Variants in SPIN1 observed in about 807,000 individuals in gnomAD.
SPIN1 encodes the protein spindlin 1.
SPIN1 carries 3 observed loss-of-function variants against 26.0 expected under a neutral mutation model. That is an observed-to-expected ratio of 0.12 (90% CI 0.05 to 0.30). The LOEUF is 0.30. SPIN1 is among the 10% of genes least tolerant of loss of function. The pLI is 1.00. For missense variants in SPIN1, 126 were observed against 333.4 expected, an observed-to-expected ratio of 0.38 and a Z score of 4.84; for synonymous variants, 101 against 116.5, an observed-to-expected ratio of 0.87 and a Z score of 0.86.
chr9:88,461,426 T>C (rs1828574670), intron 3 of SPIN1, among the ~76,000 whole-genome samples: 2 of 152,214 alleles, frequency 1.3e-5, no homozygotes, highest in Admixed American at 1.3e-4. Flanking sequence ...TACTCCTTAT[T>C]GTCTCTTATG....
intron 3 of SPIN1, among the ~76,000 whole-genome samples, chr9:88,453,639 G>A (rs12237876): frequency 0.19 from 28,618 of 151,694 alleles, 3,520 homozygotes; most frequent in African/African-American, 0.35. Context: ...CGATTCTTCC[G>A]CCTCAGCCTT....
At chr9:88,436,736 C>T (rs912105045) in intron 2 of SPIN1, among the ~76,000 whole-genome samples, 5 of 143,902 alleles carry the variant, frequency 3.5e-5, no homozygotes, top group Non-Finnish European at 6.1e-5. Context: ...TTAATATGCA[C>T]ATAAATTTCC....
chr9:88,465,979 A>C (rs1828660047), intron 4 of SPIN1, among the ~76,000 whole-genome samples: 1 of 152,200 alleles, frequency 6.6e-6, no homozygotes, highest in South Asian at 2.1e-4. Context: ...ATGTAAAATT[A>C]AGCCACTCTT....
At chr9:88,393,132 CTTTT>C (rs79661252) in intron 1 of SPIN1, among the ~76,000 whole-genome samples, 1 of 124,892 alleles carries the variant, frequency 8.0e-6, no homozygotes, top group African/African-American at 2.8e-5. Context: ...GTTAAATGTG[CTTTT>C]TTTTTTTTTT....
intron 3 of SPIN1, 101 bp from the exon 4 acceptor site, chr9:88,462,395 G>A: frequency 6.8e-7 from 1 of 1,465,698 alleles, no homozygotes; most frequent in Non-Finnish European, 9.2e-7. Context: ...TACATATTTT[G>A]GGACCATCTG....
At chr9:88,409,977 T>C (rs549795563) in intron 1 of SPIN1, among the ~76,000 whole-genome samples, 2 of 152,288 alleles carry the variant, frequency 1.3e-5, no homozygotes, top group East Asian at 1.9e-4. Flanking sequence ...CCCTTTGGTA[T>C]TTTCCGAATT....
At chr9:88,412,660 A>G (rs999370981) in intron 1 of SPIN1, among the ~76,000 whole-genome samples, 1 of 152,142 alleles carries the variant, frequency 6.6e-6, no homozygotes, top group Non-Finnish European at 1.5e-5. Context: ...CCTGTTAAAC[A>G]GAAGACCATG....
At chr9:88,409,706 C>T (rs551551915) in intron 1 of SPIN1, among the ~76,000 whole-genome samples, 2,660 of 151,900 alleles carry the variant, frequency 0.018, 32 homozygotes, top group Non-Finnish European at 0.026. Context: ...GGCATGGTGG[C>T]GGGCACCTGT....
At chr9:88,425,445 C>T (rs1378135414) in intron 1 of SPIN1, among the ~76,000 whole-genome samples, 6 of 151,874 alleles carry the variant, frequency 4.0e-5, no homozygotes, top group African/African-American at 1.5e-4. Context: ...TTTGGGAGGC[C>T]GAGGCAGGTG....
At chr9:88,429,127 A>G (rs551678648) in intron 2 of SPIN1, among the ~76,000 whole-genome samples, 1 of 152,238 alleles carries the variant, frequency 6.6e-6, no homozygotes, top group East Asian at 1.9e-4. Flanking sequence ...TCAGCCTCCC[A>G]TAGTGTTGGG....
chr9:88,472,733 C>G (rs1046238011), intron 5 of SPIN1, among the ~76,000 whole-genome samples: 1 of 152,226 alleles, frequency 6.6e-6, no homozygotes, highest in Non-Finnish European at 1.5e-5. Flanking sequence ...CCTTGTGTCT[C>G]TCACCTTGGC....
intron 1 of SPIN1, among the ~76,000 whole-genome samples, chr9:88,420,506 G>A (rs938610404): frequency 6.6e-6 from 1 of 152,224 alleles, no homozygotes; most frequent in African/African-American, 2.4e-5. Flanking sequence ...TTAAGGTCTT[G>A]CTTATGTAGG....
chr9:88,475,542 C>G lies in SPIN1; in HGVS notation c.*265C>G. On this transcript the variant is annotated 3_prime_UTR_variant, in exon 6 of 6. Transcript: ENST00000375859. ...AGTTTGGTAAAAGTTAAGCTAGTAT[C>G]ATAGTCATTTAAAATTGTAATAGAT... 1 of 304,716 alleles carries G rather than the reference C, an allele frequency of 3.3e-6. No individual in the cohort carries two copies. The highest frequency in any genetic ancestry group is 6.4e-5 in the South Asian group (1 of 15,650). The allele number at this position is 304,716 out of a possible 1,614,324, so 18.9% of individuals were successfully genotyped here. A position where few individuals can be genotyped will look rare whatever the true frequency, so the allele number is the denominator to read the frequency against.
intron 1 of SPIN1, among the ~76,000 whole-genome samples, chr9:88,425,669 G>T: frequency 6.8e-6 from 1 of 146,356 alleles, no homozygotes. Flanking sequence ...GCGAGACTCT[G>T]TCTCAAAAAA....
At chr9:88,404,141 A>G (rs141595884) in intron 1 of SPIN1, among the ~76,000 whole-genome samples, 9 of 152,322 alleles carry the variant, frequency 5.9e-5, no homozygotes, top group African/African-American at 2.2e-4. Context: ...GGTATAAAAG[A>G]TACAGAAATG....
At chr9:88,454,869 C>T (rs943463689) in intron 3 of SPIN1, among the ~76,000 whole-genome samples, 1 of 152,190 alleles carries the variant, frequency 6.6e-6, no homozygotes, top group African/African-American at 2.4e-5. Flanking sequence ...AAGCTGGACT[C>T]ATGATTTTAA....
In SPIN1 at chr9:88,397,378, T is replaced by A. The variant is rs1363035924; in HGVS notation, c.-159+8840T>A. Among the ~76,000 whole-genome samples, 21 of 152,164 alleles carry A rather than the reference T, an allele frequency of 1.4e-4. No homozygotes were observed. The East Asian group carries it at 4.1e-3, about 29-fold the overall frequency. On this transcript the variant is annotated intron_variant, in intron 1 of 5. Transcript: ENST00000375859. ...TGTTTTTCCCCTTGCTTTCCTTTGC[T>A]CCAGTTGTGTGGGGCCTCCTTCATT...
rs555003494 is a variant in SPIN1, at chr9:88,426,445, C to G, written c.-95C>G. 4.1e-6 allele frequency: 4 copies of G among 984,272 alleles called. No homozygotes were observed. Among genetic ancestry groups the G allele is most frequent in the Non-Finnish European group, 4.7e-6 (3 of 638,100 alleles). 61.0% of individuals were successfully genotyped at this position (984,272 alleles called of 1,614,324 possible). On this transcript the variant is annotated 5_prime_UTR_variant, in exon 2 of 6. Coordinates refer to ENST00000375859, the MANE Select transcript of SPIN1 (RefSeq NM_006717.3). ...AAGAGACACTTGGATGGTGGATTAA[C>G]CAGAACACTAACATTCTGTGAAAAG... is the stretch of plus-strand genomic sequence containing the variant.
intron 1 of SPIN1, among the ~76,000 whole-genome samples, chr9:88,413,704 G>A (rs1827502848): frequency 6.6e-6 from 1 of 152,106 alleles, no homozygotes; most frequent in African/African-American, 2.4e-5. Flanking sequence ...CCAAAATTAA[G>A]GTTTTGATGT....
Sources: allele counts gnomAD v4.1 joint callset (sites outside exome capture counted in the v4.1 genomes callset), GRCh38; gene constraint gnomAD v4.1.1; transcripts MANE v1.5; gene names NCBI Gene and HGNC (gene_info 2026-07-23, HGNC 2026-07-21).